Variants in SLC13A1 observed in about 807,000 individuals in gnomAD.
SLC13A1 encodes solute carrier family 13 member 1.
In SLC13A1, 65 loss-of-function variants were observed where a neutral mutation model predicts 70.0. That is an observed-to-expected ratio of 0.93 (90% confidence interval 0.76 to 1.14). SLC13A1 has a LOEUF of 1.14. Ranked by LOEUF, SLC13A1 falls within the 50% of genes most tolerant of loss-of-function variation. The probability of loss-of-function intolerance (pLI) is 0.00; values close to 1 mark genes in which losing one functional copy is unlikely to be tolerated. For synonymous variants in SLC13A1, 275 were observed against 250.5 expected, an observed-to-expected ratio of 1.10 and a Z score of -0.92; for missense variants, 726 against 717.8, an observed-to-expected ratio of 1.01 and a Z score of -0.13.
At chr7:123,192,030 TC>T (rs1205682224) in intron 1 of SLC13A1, among the ~76,000 whole-genome samples, 1 of 152,294 alleles carries the variant, frequency 6.6e-6, no homozygotes, top group East Asian at 1.9e-4. Context: ...GAAACTTCTT[TC>T]TCTTTGCCTT....
intron 7 of SLC13A1, among the ~76,000 whole-genome samples, chr7:123,137,653 A>C (rs913615830): frequency 6.6e-6 from 1 of 152,178 alleles, no homozygotes; most frequent in Non-Finnish European, 1.5e-5. Context: ...GCTTGGAGGA[A>C]TACCCTGAGC....
At chr7:123,154,029 G>A (rs955783935) in intron 6 of SLC13A1, among the ~76,000 whole-genome samples, 3 of 151,862 alleles carry the variant, frequency 2.0e-5, no homozygotes, top group African/African-American at 7.3e-5. Context: ...GACTATTAGG[G>A]CAGACAGGTA....
intron 6 of SLC13A1, among the ~76,000 whole-genome samples, chr7:123,156,252 T>A (rs1022560471): frequency 2.0e-5 from 3 of 152,144 alleles, no homozygotes; most frequent in African/African-American, 7.2e-5. Flanking sequence ...CTTCTCTTGA[T>A]GTTTATATAA....
chr7:123,192,449 G>A (rs1796024500), intron 1 of SLC13A1, among the ~76,000 whole-genome samples: 1 of 152,102 alleles, frequency 6.6e-6, no homozygotes, highest in Non-Finnish European at 1.5e-5. Context: ...GCCCCACATG[G>A]AATTAGAATA....
chr7:123,144,001 CAG>C (rs2116396715), intron 7 of SLC13A1, among the ~76,000 whole-genome samples: 1 of 152,106 alleles, frequency 6.6e-6, no homozygotes, highest in African/African-American at 2.4e-5. Context: ...TGAAGATAAA[CAG>C]AAGGCAAGAT....
chr7:123,157,582 G>T lies in SLC13A1; in HGVS notation c.661-10272C>A, dbSNP rs117978743. ...CTTAGGAAAAAGCATATGTGTATGTGTGTTTGTGTGTGTGTGCCACTGAGA... is the reference window on the plus strand; with the variant it reads ...CTTAGGAAAAAGCATATGTGTATGTTTGTTTGTGTGTGTGTGCCACTGAGA... On this transcript the variant is annotated intron_variant, in intron 6 of 14. Transcript: ENST00000194130. 6.7e-3 allele frequency among the ~76,000 whole-genome samples: 1,020 copies of T among 152,132 alleles called. 4 individuals are homozygous for T. The highest frequency in any genetic ancestry group is 0.011 in the Non-Finnish European group (722 of 67,974).
At chr7:123,196,955 C>G (rs1358733976) in intron 1 of SLC13A1, among the ~76,000 whole-genome samples, 1 of 152,112 alleles carries the variant, frequency 6.6e-6, no homozygotes, top group Non-Finnish European at 1.5e-5. Context: ...TTACATGTCT[C>G]TGAGCATCAA....
At chr7:123,165,194 A>G (rs971475867) in intron 6 of SLC13A1, among the ~76,000 whole-genome samples, 4 of 152,090 alleles carry the variant, frequency 2.6e-5, no homozygotes, top group African/African-American at 9.7e-5. Flanking sequence ...AAAACATATC[A>G]TAAATGTATA....
intron 11 of SLC13A1, 63 bp from the exon 12 acceptor site, chr7:123,123,298 A>G: frequency 3.0e-6 from 3 of 1,015,362 alleles, no homozygotes; most frequent in Non-Finnish European, 4.7e-6. Flanking sequence ...CATTTGCTTC[A>G]GCATCCTAAG....
At chr7:123,191,571 A>G (rs1381379631) in intron 1 of SLC13A1, among the ~76,000 whole-genome samples, 1 of 152,214 alleles carries the variant, frequency 6.6e-6, no homozygotes, top group Non-Finnish European at 1.5e-5. Flanking sequence ...CTTTATATAT[A>G]GAAAAACTTA....
chr7:123,140,207 C>A (rs1032959720), intron 7 of SLC13A1, among the ~76,000 whole-genome samples: 4 of 151,696 alleles, frequency 2.6e-5, no homozygotes, highest in Non-Finnish European at 5.9e-5. Context: ...TTGGTCCTTC[C>A]TTTTGTTGTT....
intron 1 of SLC13A1, among the ~76,000 whole-genome samples, chr7:123,193,645 A>G (rs1345540266): frequency 6.6e-6 from 1 of 152,180 alleles, no homozygotes; most frequent in Non-Finnish European, 1.5e-5. Context: ...GAAGTCAGAC[A>G]GATTTGTGTT....
intron 7 of SLC13A1, among the ~76,000 whole-genome samples, chr7:123,145,702 A>C (rs754786638): frequency 6.6e-6 from 1 of 152,182 alleles, no homozygotes; most frequent in African/African-American, 2.4e-5. Context: ...TAAGTCAGTA[A>C]TTGGAGTGTA....
At chr7:123,137,813 A>G (rs2116360182) in intron 7 of SLC13A1, among the ~76,000 whole-genome samples, 1 of 152,258 alleles carries the variant, frequency 6.6e-6, no homozygotes, top group African/African-American at 2.4e-5. Context: ...GTATATATGT[A>G]TGGGGTACAT....
intron 8 of SLC13A1, among the ~76,000 whole-genome samples, chr7:123,134,169 A>G (rs894657353): frequency 2.0e-5 from 3 of 152,170 alleles, no homozygotes; most frequent in African/African-American, 7.2e-5. Context: ...CTGGGATTAT[A>G]GGCATGAGCC....
chr7:123,197,220 A>C (rs186204463), intron 1 of SLC13A1, among the ~76,000 whole-genome samples: 5 of 152,254 alleles, frequency 3.3e-5, no homozygotes. Context: ...CAACTCAATA[A>C]CAAGCAGGAA....
At chr7:123,146,131 A>G (rs1354284434) in intron 7 of SLC13A1, among the ~76,000 whole-genome samples, 6 of 152,204 alleles carry the variant, frequency 3.9e-5, no homozygotes, top group African/African-American at 1.4e-4. Flanking sequence ...ATTTTTACAT[A>G]GTTTACTTCA....
chr7:123,117,824 C>A (rs528180818), intron 13 of SLC13A1, among the ~76,000 whole-genome samples: 3 of 152,084 alleles, frequency 2.0e-5, no homozygotes, highest in Admixed American at 1.3e-4. Flanking sequence ...TTAAACATTA[C>A]AGTCCAGTTC....
chr7:123,170,650 A>G (rs1795238892), intron 3 of SLC13A1, among the ~76,000 whole-genome samples: 1 of 142,278 alleles, frequency 7.0e-6, no homozygotes, highest in South Asian at 2.3e-4. Flanking sequence ...TTGTTTTGAG[A>G]CAGAGTCTCA....
Sources: allele counts gnomAD v4.1 joint callset (sites outside exome capture counted in the v4.1 genomes callset), GRCh38; gene constraint gnomAD v4.1.1; transcripts MANE v1.5; gene names NCBI Gene and HGNC (gene_info 2026-07-23, HGNC 2026-07-21).